Variants in CNST observed in about 807,000 individuals in gnomAD.
The protein encoded by CNST is consortin.
In CNST, 39 loss-of-function variants were observed where a neutral mutation model predicts 72.4. The observed-to-expected ratio is 0.54, with a 90% CI of 0.42 to 0.70. CNST has a LOEUF of 0.70. CNST is among the 30% of genes least tolerant of loss of function. The probability of loss-of-function intolerance (pLI) is 0.00; values close to 1 mark genes in which losing one functional copy is unlikely to be tolerated. For synonymous variants in CNST, 332 were observed against 320.1 expected (o/e 1.04, Z -0.40); for missense variants, 871 against 868.5 (o/e 1.00, Z -0.04).
intron 9 of CNST, among the ~76,000 whole-genome samples, chr1:246,659,307 G>A (rs1467304149): frequency 6.6e-6 from 1 of 152,164 alleles, no homozygotes; most frequent in African/African-American, 2.4e-5. Context: ...AAAGTAATAT[G>A]TCCCAGGCCG....
intron 1 of CNST, among the ~76,000 whole-genome samples, chr1:246,584,978 A>G (rs1661040499): frequency 6.6e-6 from 1 of 152,222 alleles, no homozygotes; most frequent in Non-Finnish European, 1.5e-5. Flanking sequence ...TTTATCTTGC[A>G]GAGAGGATTG....
intron 2 of CNST, among the ~76,000 whole-genome samples, chr1:246,605,000 TTA>T (rs1486215369): frequency 6.6e-6 from 1 of 152,226 alleles, no homozygotes; most frequent in Non-Finnish European, 1.5e-5. Flanking sequence ...ATACATGCCT[TTA>T]TATTTGTTAG....
chr1:246,632,466 G>A, intron 4 of CNST: 1 of 204,354 alleles, frequency 4.9e-6, no homozygotes. Context: ...CAGGCAAGAA[G>A]ACAGCCAGCT....
intron 3 of CNST, among the ~76,000 whole-genome samples, chr1:246,623,599 C>A (rs1664226744): frequency 6.6e-6 from 1 of 151,884 alleles, no homozygotes; most frequent in Non-Finnish European, 1.5e-5. Context: ...TAAAAATATA[C>A]ACACACAAAA....
At chr1:246,581,273 C>CT (rs1198570750) in intron 1 of CNST, among the ~76,000 whole-genome samples, 5 of 151,294 alleles carry the variant, frequency 3.3e-5, no homozygotes, top group East Asian at 1.9e-4. Context: ...CCATACCAAT[C>CT]TTTTTTTTTG....
chr1:246,611,636 C>T (rs1663323056), intron 2 of CNST, among the ~76,000 whole-genome samples: 1 of 152,132 alleles, frequency 6.6e-6, no homozygotes, highest in African/African-American at 2.4e-5. Flanking sequence ...ATTGAAGTCT[C>T]AAGACACTGG....
intron 10 of CNST, among the ~76,000 whole-genome samples, chr1:246,663,030 G>T (rs1043011874): frequency 6.6e-5 from 10 of 152,230 alleles, no homozygotes; most frequent in African/African-American, 2.2e-4. Flanking sequence ...GATGAAGTGG[G>T]GGTAGGAATC....
rs750602708 is a variant in CNST, at chr1:246,665,649, A to G, written c.1973-51A>G. On this transcript the variant is annotated intron_variant, in intron 10 of 10. Transcript: ENST00000366513. ...AATTAGTGAAAAGACAGCAGATGCT[A>G]AGATTTCCATTTCGGTGACAATGTA... 4.1e-6 allele frequency: 6 copies of G among 1,471,960 alleles called. No homozygotes were observed. In the Admixed American group the frequency reaches 8.4e-5, roughly 21 times the overall value. 91.2% of individuals were successfully genotyped at this position (1,471,960 alleles called of 1,614,324 possible).
chr1:246,647,369 T>C lies in CNST; in HGVS notation c.1168T>C (p.Ser390Pro). 6.2e-7 allele frequency: 1 copy of C among 1,613,798 alleles called. No homozygotes were observed. The change falls in exon 9 of 11, where the codon TCT (serine) becomes CCT (proline). Residue 390 changes from serine (S) to proline (P), a missense_variant. Physicochemically the swap from Ser to Pro is moderately conservative, Grantham distance 74 (BLOSUM62 -1). Coordinates refer to ENST00000366513, the MANE Select transcript of CNST (RefSeq NM_152609.3). ...TAGSPSGPDS[S>P]EDACEDDSRL... Reference sequence around the variant, plus strand: ...AGGGAGCCCGTCTGGGCCAGACTCTTCTGAGGATGCTTGTGAGGATGACAG... The same window carrying C: ...AGGGAGCCCGTCTGGGCCAGACTCTCCTGAGGATGCTTGTGAGGATGACAG...
chr1:246,623,509 T>C (rs1572193834), intron 3 of CNST, among the ~76,000 whole-genome samples: 1 of 152,106 alleles, frequency 6.6e-6, no homozygotes, highest in Non-Finnish European at 1.5e-5. Flanking sequence ...CCCAGCACTT[T>C]GGGAGGCCGA....
At position 246,592,813 on chromosome 1, in the gene CNST, T is replaced by C. The variant is rs115033633; in HGVS notation, c.379+872T>C. Among the ~76,000 whole-genome samples the C allele has an allele frequency of 7.0e-3, 1,062 of 152,376 alleles. 9 individuals are homozygous for C. Among genetic ancestry groups the C allele is most frequent in the African/African-American group, 0.024 (980 of 41,590 alleles). Reference sequence around the variant, plus strand: ...TATCTGTATCACTTTGGTTAAAAAGTAATTCAGAGTATTTCTTGTTTGGTA... The same window carrying C: ...TATCTGTATCACTTTGGTTAAAAAGCAATTCAGAGTATTTCTTGTTTGGTA... On this transcript the variant is annotated intron_variant, in intron 2 of 10. Coordinates refer to ENST00000366513, the MANE Select transcript of CNST (RefSeq NM_152609.3).
chr1:246,582,447 C>G (rs894353712), intron 1 of CNST, among the ~76,000 whole-genome samples: 27 of 151,740 alleles, frequency 1.8e-4, no homozygotes, highest in African/African-American at 6.5e-4. Context: ...CTCCCAGGTT[C>G]AAGTGATTTT....
intron 1 of CNST, among the ~76,000 whole-genome samples, chr1:246,576,140 C>T (rs907572333): frequency 7.1e-6 from 1 of 141,534 alleles, no homozygotes; most frequent in Non-Finnish European, 1.5e-5. Context: ...GAGGCTGAGG[C>T]AGGAGAATTG....
chr1:246,653,744 A>G (rs1330021645), intron 9 of CNST, among the ~76,000 whole-genome samples: 1 of 151,948 alleles, frequency 6.6e-6, no homozygotes. Context: ...CACTCTTTTA[A>G]TTTATATTTG....
At chr1:246,636,077 A>C (rs1665211402) in intron 6 of CNST, among the ~76,000 whole-genome samples, 1 of 152,202 alleles carries the variant, frequency 6.6e-6, no homozygotes, top group Non-Finnish European at 1.5e-5. Context: ...GCACTTAGGC[A>C]GGGGTATGCG....
At chr1:246,600,227 A>T (rs1662179505) in intron 2 of CNST, among the ~76,000 whole-genome samples, 1 of 152,248 alleles carries the variant, frequency 6.6e-6, no homozygotes, top group Non-Finnish European at 1.5e-5. Context: ...AGAATAAAAG[A>T]AAAGAGTGAA....
At chr1:246,572,337 G>C (rs977330976) in intron 1 of CNST, among the ~76,000 whole-genome samples, 2 of 152,182 alleles carry the variant, frequency 1.3e-5, no homozygotes, top group Non-Finnish European at 2.9e-5. Context: ...AAATGCTGCT[G>C]TCCTTGAGTA....
At chr1:246,665,500 C>T (rs559214092) in intron 10 of CNST, among the ~76,000 whole-genome samples, 200 bp from the exon 11 acceptor site, 1 of 152,374 alleles carries the variant, frequency 6.6e-6, no homozygotes, top group South Asian at 2.1e-4. Flanking sequence ...CTTGTACAAG[C>T]TCCACAAGTC....
At chr1:246,599,143 A>G (rs184743127) in intron 2 of CNST, among the ~76,000 whole-genome samples, 1 of 151,958 alleles carries the variant, frequency 6.6e-6, no homozygotes, top group East Asian at 1.9e-4. Context: ...CAGTCAGAAG[A>G]GACTTCAAGG....
Sources: gnomAD v4.1 joint callset for allele counts (sites outside exome capture counted in the v4.1 genomes callset) on GRCh38, gnomAD v4.1.1 for gene constraint, MANE v1.5 for transcripts, NCBI Gene and HGNC (gene_info 2026-07-23, HGNC 2026-07-21) for gene names.